The following BCL9 variants were observed in gnomAD, a reference collection of about 807,000 sequenced individuals.
The protein encoded by BCL9 is BCL9 transcription coactivator.
In BCL9, 25 loss-of-function variants were observed where a neutral mutation model predicts 88.5. That is an observed-to-expected ratio of 0.28 (90% CI 0.21 to 0.39). The LOEUF (loss-of-function observed/expected upper bound fraction) is 0.39, where lower values mean the gene tolerates loss of function less well. Ranked by LOEUF, BCL9 falls within the 10% of genes least tolerant of loss-of-function variation. BCL9 has a pLI of 1.00. For missense variants in BCL9, 1,817 were observed against 1,877.8 expected (o/e 0.97, Z 0.60); for synonymous variants, 711 against 673.3 (o/e 1.06, Z -0.87).
rs782547007 is a variant in BCL9 at position 147,619,460 on chromosome 1, T to C, written c.1305T>C (p.His435=). 3 of 1,614,046 alleles carry C rather than the reference T, an allele frequency of 1.9e-6. No individual in the cohort carries two copies. Among genetic ancestry groups the C allele is most frequent in the Admixed American group, 1.7e-5 (1 of 60,014 alleles). ...GAGCTCCATTTGGCCCTCAAGGACA[T>C]AGAGATGTACCCTTTTCTCCAGATG... The part of the protein sequence containing the change: ...DVGAPFGPQG[H]RDVPFSPDEM... Residue 435 remains histidine (H), a synonymous_variant, in exon 8 of 10, where the codon CAT becomes CAC. Coordinates refer to ENST00000234739, the MANE Select transcript of BCL9 (RefSeq NM_004326.4). The surrounding 1 kb of genome is among the most constrained non-coding windows in gnomAD (Gnocchi z 4.1).
chr1:147,600,735 C>T (rs1657344121), intron 1 of BCL9, among the ~76,000 whole-genome samples: 5 of 151,922 alleles, frequency 3.3e-5, no homozygotes, highest in Admixed American at 3.3e-4. Context: ...GTCTGTAAGA[C>T]CCCTGAGATG....
chr1:147,545,906 C>T (rs1273063320), intron 1 of BCL9, among the ~76,000 whole-genome samples: 4 of 152,126 alleles, frequency 2.6e-5, no homozygotes, highest in African/African-American at 9.7e-5. Flanking sequence ...CCCAAGGACT[C>T]ACAAGAAAAT....
At position 147,624,774 on chromosome 1, in the gene BCL9, G is replaced by A. The variant is rs75460229; in HGVS notation, c.4096G>A (p.Ala1366Thr). Residue 1366 changes from alanine (A) to threonine (T), a missense_variant, in exon 10 of 10, where the codon GCC becomes ACC. Ala to Thr is a moderately conservative substitution (Grantham distance 58). Transcript: ENST00000234739. The surrounding 1 kb of genome is among the most constrained non-coding windows in gnomAD (Gnocchi z 4.4). ...GATTCCTGGCAAGGATCGGGGGCCTGCCGGGCTCTACACCCACCCTGGGCC... is the reference window on the plus strand; with the variant it reads ...GATTCCTGGCAAGGATCGGGGGCCTACCGGGCTCTACACCCACCCTGGGCC... ...GMIPGKDRGPAGLYTHPGPVG... is the reference protein window; with the variant it reads ...GMIPGKDRGPTGLYTHPGPVG... 1 of 1,612,768 alleles carries A rather than the reference G, an allele frequency of 6.2e-7. No homozygotes were observed. The highest frequency in any genetic ancestry group is 2.2e-5 in the East Asian group (1 of 44,788).
chr1:147,570,630 CTTTT>C (rs1265090633), intron 1 of BCL9, among the ~76,000 whole-genome samples: 4 of 15,184 alleles, frequency 2.6e-4, no homozygotes, highest in African/African-American at 2.7e-4. Flanking sequence ...GACTGATTTT[CTTTT>C]TTTTCTTTTT....
At chr1:147,581,776 G>T (rs1490360783) in intron 1 of BCL9, among the ~76,000 whole-genome samples, 2 of 152,202 alleles carry the variant, frequency 1.3e-5, no homozygotes, top group South Asian at 4.1e-4. Flanking sequence ...AGACGCTGGC[G>T]ACTTTCTATT....
intron 1 of BCL9, among the ~76,000 whole-genome samples, chr1:147,546,345 T>A (rs670634): frequency 0.02 from 2,985 of 150,544 alleles, 49 homozygotes; most frequent in African/African-American, 0.048. Flanking sequence ...AAAAAAAAAA[T>A]AATAAATAAT....
intron 1 of BCL9, among the ~76,000 whole-genome samples, chr1:147,585,426 C>T (rs1002450170): frequency 6.6e-6 from 1 of 151,970 alleles, no homozygotes; most frequent in Non-Finnish European, 1.5e-5. Context: ...TGGGGATTGC[C>T]TGTAGTATGG....
In BCL9 at chr1:147,619,391, A is replaced by G. The variant is rs1553204533; in HGVS notation, c.1236A>G (p.Gln412=). The G allele has an allele frequency of 9.9e-6, 16 of 1,614,054 alleles. No homozygotes were observed. The highest frequency in any genetic ancestry group is 1.3e-5 in the Non-Finnish European group (15 of 1,180,018). ...GGCCAATACAGGCCATGATGGCCCA[A>G]TCCCAAAGCCTAGGTAAGGGACCTG... ...PEGPIQAMMA[Q]SQSLGKGPGP... is the part of the protein sequence containing the mutation. The change falls in exon 8 of 10, where the codon CAA becomes CAG. Residue 412 remains glutamine, a synonymous_variant. Transcript: ENST00000234739. The surrounding 1 kb of genome is among the most constrained non-coding windows in gnomAD (Gnocchi z 4.1).
At chr1:147,568,188 T>G (rs950145730) in intron 1 of BCL9, among the ~76,000 whole-genome samples, 4 of 152,244 alleles carry the variant, frequency 2.6e-5, no homozygotes, top group African/African-American at 4.8e-5. Flanking sequence ...CTTCTCCCAA[T>G]AGGCTGTCAT....
chr1:147,567,344 A>G (rs1553196850), intron 1 of BCL9, among the ~76,000 whole-genome samples: 1 of 152,202 alleles, frequency 6.6e-6, no homozygotes, highest in Admixed American at 6.5e-5. Context: ...GAGATTATTG[A>G]TACTATTGCA....
intron 1 of BCL9, among the ~76,000 whole-genome samples, chr1:147,592,997 G>A (rs587746454): frequency 1.1e-4 from 16 of 152,250 alleles, no homozygotes; most frequent in East Asian, 3.9e-4. Context: ...TTTGAATCAC[G>A]CGTCTCCCCT....
At chr1:147,580,352 T>C (rs1321114429) in intron 1 of BCL9, among the ~76,000 whole-genome samples, 1 of 152,118 alleles carries the variant, frequency 6.6e-6, no homozygotes, top group African/African-American at 2.4e-5. Context: ...GATTTATAAC[T>C]AAAAGGGAGG....
In BCL9 at chr1:147,595,963, G is replaced by C. The variant is rs1570877974; in HGVS notation, c.-477-8814G>C. Among the ~76,000 whole-genome samples the C allele has an allele frequency of 2.6e-5, 4 of 152,186 alleles. No homozygotes were observed. In the South Asian group the frequency reaches 6.2e-4, roughly 24 times the overall value. ...TGAATTTTAGAAGGTAGAGTAATGA[G>C]AGTAGGAGGCACAACCATAAAGGTT... On this transcript the variant is annotated intron_variant, in intron 1 of 9. Transcript: ENST00000234739.
chr1:147,598,649 T>A (rs1657161394), intron 1 of BCL9, among the ~76,000 whole-genome samples: 1 of 152,192 alleles, frequency 6.6e-6, no homozygotes, highest in Non-Finnish European at 1.5e-5. Context: ...CCTGGCCATA[T>A]TGCCTCCATC....
chr1:147,558,095 C>T (rs1435862259), intron 1 of BCL9, among the ~76,000 whole-genome samples: 2 of 152,122 alleles, frequency 1.3e-5, no homozygotes, highest in Non-Finnish European at 2.9e-5. Flanking sequence ...ATCTTAGAAT[C>T]AGTGAGATGT....
At position 147,625,294 on chromosome 1, in the gene BCL9, C is replaced by T. The variant is rs1186836031; in HGVS notation, c.*335C>T. ...TGTTGCACCGTTCTCTGTATGTTTACGTCCTTTGGACTGGCTTCTCCCAGG... is the reference window on the plus strand; with the variant it reads ...TGTTGCACCGTTCTCTGTATGTTTATGTCCTTTGGACTGGCTTCTCCCAGG... On this transcript the variant is annotated 3_prime_UTR_variant, in exon 10 of 10. Transcript: ENST00000234739. The T allele has an allele frequency of 1.7e-5, 5 of 293,840 alleles. No homozygotes were observed. Among genetic ancestry groups the T allele is most frequent in the Non-Finnish European group, 1.3e-5 (2 of 156,066 alleles). The allele number at this position is 293,840 out of a possible 1,614,324, so 18.2% of individuals were successfully genotyped here. A position where few individuals can be genotyped will look rare whatever the true frequency, so the allele number is the denominator to read the frequency against.
intron 1 of BCL9, among the ~76,000 whole-genome samples, chr1:147,584,737 C>T (rs1427135972): frequency 6.6e-6 from 1 of 152,202 alleles, no homozygotes; most frequent in Non-Finnish European, 1.5e-5. Context: ...TAGCATCTTT[C>T]CTTCTTTTGG....
At chr1:147,563,543 T>A (rs1655476969) in intron 1 of BCL9, among the ~76,000 whole-genome samples, 1 of 152,192 alleles carries the variant, frequency 6.6e-6, no homozygotes, top group Non-Finnish European at 1.5e-5. Context: ...GGGGAAGGTA[T>A]GACAATTTGT....
chr1:147,609,212 T>A (rs1657881882), intron 3 of BCL9, among the ~76,000 whole-genome samples: 1 of 152,208 alleles, frequency 6.6e-6, no homozygotes, highest in African/African-American at 2.4e-5. Context: ...TAAAGGTGGT[T>A]AAACAGTTGA....
Sources: allele counts gnomAD v4.1 joint callset (sites outside exome capture counted in the v4.1 genomes callset), GRCh38; gene constraint gnomAD v4.1.1; non-coding constraint Gnocchi (gnomAD v3.1); transcripts MANE v1.5; gene names NCBI Gene and HGNC (gene_info 2026-07-23, HGNC 2026-07-21).